The following MTAP variants were observed in gnomAD, a reference collection of about 807,000 sequenced individuals.
MTAP encodes the protein methylthioadenosine phosphorylase.
In MTAP, 33 loss-of-function variants were observed where a neutral mutation model predicts 33.6. The ratio of observed to expected loss-of-function variants is 0.98; its 90% CI spans 0.74 to 1.31. The LOEUF is 1.31. Ranked by LOEUF, MTAP falls within the 40% of genes most tolerant of loss-of-function variation. The pLI, the probability that MTAP is intolerant of heterozygous loss-of-function variation, is 0.00. For synonymous variants in MTAP, 148 were observed against 125.7 expected (o/e 1.18, Z -1.19); for missense variants, 367 against 360.0 (o/e 1.02, Z -0.16).
chr9:21,873,506 T>C (rs1173156421), intron 1 of MTAP, among the ~76,000 whole-genome samples: 1 of 152,130 alleles, frequency 6.6e-6, no homozygotes, highest in East Asian at 1.9e-4. Context: ...CTTTTGCCCC[T>C]TCTGCCATGT....
In MTAP at chr9:21,865,272, C is replaced by T; in HGVS notation, c.*3258C>T. 1 of 438,286 alleles carries T rather than the reference C, an allele frequency of 2.3e-6. No homozygotes were observed. Among genetic ancestry groups the T allele is most frequent in the Non-Finnish European group, 3.0e-6 (1 of 330,192 alleles). The allele number at this position is 438,286 out of a possible 1,614,324, so 27.1% of individuals were successfully genotyped here. ...CTTTTCCCCCTTTTGCTCAACACTTCTTCCTGCCATCATGTGAAGAAGGAC... is the reference window on the plus strand; with the variant it reads ...CTTTTCCCCCTTTTGCTCAACACTTTTTCCTGCCATCATGTGAAGAAGGAC... On this transcript the variant is annotated 3_prime_UTR_variant, in exon 8 of 8. Transcript: ENST00000644715.
intron 4 of MTAP, among the ~76,000 whole-genome samples, chr9:21,829,446 G>C (rs965228972): frequency 1.2e-4 from 17 of 139,066 alleles, no homozygotes; most frequent in African/African-American, 4.5e-4. Context: ...TTGTTTTTTT[G>C]AGACAGTCCC....
chr9:21,841,631 C>G (rs1328996777), intron 5 of MTAP, among the ~76,000 whole-genome samples: 3 of 150,470 alleles, frequency 2.0e-5, no homozygotes, highest in African/African-American at 7.3e-5. Flanking sequence ...CCAGCAACAG[C>G]CCAGAGCCTG....
intron 1 of MTAP, among the ~76,000 whole-genome samples, chr9:21,880,729 C>T (rs921051756): frequency 2.6e-5 from 4 of 152,002 alleles, no homozygotes; most frequent in Admixed American, 6.6e-5. Context: ...TTGTCCACTG[C>T]AAACTACAAA....
intron 1 of MTAP, among the ~76,000 whole-genome samples, chr9:21,877,804 T>C (rs1347834787): frequency 6.6e-6 from 1 of 152,176 alleles, no homozygotes; most frequent in Non-Finnish European, 1.5e-5. Context: ...ATCAAAGATA[T>C]TTGCCTGAAG....
At chr9:21,896,733 A>G (rs1034871783) in intron 1 of MTAP, among the ~76,000 whole-genome samples, 1 of 152,194 alleles carries the variant, frequency 6.6e-6, no homozygotes, top group Non-Finnish European at 1.5e-5. Flanking sequence ...AAATTGAGGC[A>G]ATAATTAACA....
chr9:21,925,890 C>T (rs1818861671), intron 1 of MTAP, among the ~76,000 whole-genome samples: 1 of 152,166 alleles, frequency 6.6e-6, no homozygotes, highest in Non-Finnish European at 1.5e-5. Context: ...CAATTATCCT[C>T]CAAGGTGATG....
intron 1 of MTAP, among the ~76,000 whole-genome samples, chr9:21,898,255 G>A (rs1484398365): frequency 2.6e-5 from 4 of 152,144 alleles, no homozygotes; most frequent in Non-Finnish European, 2.9e-5. Flanking sequence ...AGACTTAAAC[G>A]TTAGACCTAA....
chr9:21,828,779 G>A (rs929628611), intron 4 of MTAP, among the ~76,000 whole-genome samples: 2 of 152,168 alleles, frequency 1.3e-5, no homozygotes, highest in African/African-American at 2.4e-5. Flanking sequence ...TATTAGGTTA[G>A]ACAAGATTTT....
intron 4 of MTAP, among the ~76,000 whole-genome samples, chr9:21,828,635 A>G (rs548532515): frequency 4.1e-4 from 63 of 152,282 alleles, no homozygotes; most frequent in African/African-American, 1.3e-3. Flanking sequence ...AGATTGCTCC[A>G]TTGCACTCCA....
intron 4 of MTAP, among the ~76,000 whole-genome samples, chr9:21,834,008 T>A (rs905940505): frequency 6.6e-6 from 1 of 152,228 alleles, no homozygotes; most frequent in Non-Finnish European, 1.5e-5. Context: ...TGTTTTTTTT[T>A]ATTTGTCTAC....
At chr9:21,830,660 T>C (rs1186801579) in intron 4 of MTAP, among the ~76,000 whole-genome samples, 2 of 152,208 alleles carry the variant, frequency 1.3e-5, no homozygotes, top group African/African-American at 2.4e-5. Flanking sequence ...GGAACTTCTC[T>C]CCTATGGTAC....
At chr9:21,840,079 A>C (rs1285203674) in intron 5 of MTAP, among the ~76,000 whole-genome samples, 1 of 152,146 alleles carries the variant, frequency 6.6e-6, no homozygotes, top group Non-Finnish European at 1.5e-5. Flanking sequence ...ACGAAAAGTT[A>C]GCCAGGCATG....
chr9:21,866,058 G>A lies in MTAP; in HGVS notation c.*4044G>A, dbSNP rs558535038. ...TTGTAAGAATTCTTGACAAAGCTTG[G>A]TATTGTCAGCGTTTTTAATTTTAGC... On this transcript the variant is annotated 3_prime_UTR_variant, in exon 8 of 8. Transcript: ENST00000644715. 6.5e-6 allele frequency: 1 copy of A among 153,070 alleles called. No individual in the cohort carries two copies. The highest frequency in any genetic ancestry group is 1.5e-5 in the Non-Finnish European group (1 of 68,914). The allele number at this position is 153,070 out of a possible 1,614,324, so 9.5% of individuals were successfully genotyped here.
chr9:21,818,913 G>A (rs778984521), intron 4 of MTAP, among the ~76,000 whole-genome samples: 1 of 151,948 alleles, frequency 6.6e-6, no homozygotes, highest in East Asian at 1.9e-4. Flanking sequence ...TTTGATCAAC[G>A]TCTCCCCAAA....
chr9:21,914,894 T>C (rs1488669151), intron 1 of MTAP, among the ~76,000 whole-genome samples: 1 of 151,820 alleles, frequency 6.6e-6, no homozygotes, highest in Non-Finnish European at 1.5e-5. Context: ...ACATTTTATA[T>C]GAAAAGAGTC....
chr9:21,912,078 C>T (rs1443041631), intron 1 of MTAP, among the ~76,000 whole-genome samples: 1 of 152,034 alleles, frequency 6.6e-6, no homozygotes, highest in African/African-American at 2.4e-5. Flanking sequence ...AAGACTAAAC[C>T]AGGAAGAAGT....
chr9:21,879,640 T>G (rs1817968460), intron 1 of MTAP, among the ~76,000 whole-genome samples: 1 of 152,110 alleles, frequency 6.6e-6, no homozygotes, highest in African/African-American at 2.4e-5. Flanking sequence ...TGCTTTATAG[T>G]GTCATTGGTA....
intron 1 of MTAP, among the ~76,000 whole-genome samples, chr9:21,809,428 C>T (rs925291018): frequency 9.9e-5 from 15 of 151,756 alleles, no homozygotes; most frequent in East Asian, 1.9e-4. Context: ...TCACAAGATC[C>T]GAAGATTGAG....
Sources: gnomAD v4.1 joint callset for allele counts (sites outside exome capture counted in the v4.1 genomes callset) on GRCh38, gnomAD v4.1.1 for gene constraint, MANE v1.5 for transcripts, NCBI Gene and HGNC (gene_info 2026-07-23, HGNC 2026-07-21) for gene names.